Variants in TFDP2 observed in about 807,000 individuals in gnomAD.
TFDP2 encodes transcription factor Dp-2.
Under a neutral mutation model 59.3 loss-of-function variants are expected in TFDP2, and 17 were observed. The ratio of observed to expected loss-of-function variants is 0.29; its 90% confidence interval spans 0.20 to 0.43. The LOEUF is 0.43. TFDP2 is among the 20% of genes least tolerant of loss of function. The pLI is 1.00. For synonymous variants in TFDP2, 180 were observed against 194.7 expected (o/e 0.92, Z 0.63); for missense variants, 391 against 528.8 (o/e 0.74, Z 2.56).
intron 2 of TFDP2, among the ~76,000 whole-genome samples, chr3:142,094,461 C>T (rs768944182): frequency 3.9e-5 from 6 of 152,032 alleles, no homozygotes; most frequent in Non-Finnish European, 8.8e-5. Flanking sequence ...CCTGCCACCA[C>T]GCCCAGCTAA....
intron 9 of TFDP2, among the ~76,000 whole-genome samples, chr3:141,964,439 T>C (rs11569259): frequency 0.075 from 11,349 of 152,182 alleles, 526 homozygotes; most frequent in Non-Finnish European, 0.11. Context: ...ATTGCTTGAG[T>C]CCAGGAGTTT....
intron 7 of TFDP2, among the ~76,000 whole-genome samples, chr3:141,974,653 T>C (rs1940324638): frequency 6.6e-6 from 1 of 152,102 alleles, no homozygotes; most frequent in African/African-American, 2.4e-5. Context: ...ATAGTATACA[T>C]ATTAACAGAA....
chr3:142,054,597 A>G (rs2059676505), intron 3 of TFDP2, among the ~76,000 whole-genome samples: 1 of 152,186 alleles, frequency 6.6e-6, no homozygotes, highest in Admixed American at 6.5e-5. Context: ...TTGTATATCA[A>G]TGCACAGGTT....
At chr3:142,018,836 T>C (rs1945347056) in intron 3 of TFDP2, among the ~76,000 whole-genome samples, 1 of 152,148 alleles carries the variant, frequency 6.6e-6, no homozygotes, top group Non-Finnish European at 1.5e-5. Context: ...TAATATATTG[T>C]TATGAGTATG....
At chr3:141,986,863 C>A (rs140938747) in intron 6 of TFDP2, among the ~76,000 whole-genome samples, 23 of 152,218 alleles carry the variant, frequency 1.5e-4, no homozygotes, top group Non-Finnish European at 2.6e-4. Context: ...TGGTATTGCA[C>A]TGTGGTTTTC....
intron 3 of TFDP2, among the ~76,000 whole-genome samples, chr3:142,051,593 C>A (rs1271862443): frequency 2.0e-5 from 3 of 151,514 alleles, no homozygotes; most frequent in African/African-American, 4.9e-5. Context: ...CATTGAGAAC[C>A]ACTGAGCTAC....
At chr3:142,125,538 C>T (rs527795086) in intron 1 of TFDP2, among the ~76,000 whole-genome samples, 5 of 151,992 alleles carry the variant, frequency 3.3e-5, no homozygotes, top group Non-Finnish European at 7.4e-5. Flanking sequence ...ATACTCACTA[C>T]AGTGTCATTT....
At chr3:142,008,603 C>T (rs1368110069) in intron 3 of TFDP2, among the ~76,000 whole-genome samples, 1 of 152,120 alleles carries the variant, frequency 6.6e-6, no homozygotes, top group Non-Finnish European at 1.5e-5. Flanking sequence ...CTCCTACCTA[C>T]TAGCACTTCA....
At chr3:142,118,561 GAAAC>G (rs1266610122) in intron 1 of TFDP2, among the ~76,000 whole-genome samples, 1 of 151,924 alleles carries the variant, frequency 6.6e-6, no homozygotes, top group Admixed American at 6.6e-5. Flanking sequence ...GAAATAGAAA[GAAAC>G]AAACAAAAGG....
Position 142,023,969 on chromosome 3 carries a change from T to G in TFDP2, c.83-18425A>C, listed in dbSNP as rs192761009. On this transcript the variant is annotated intron_variant, in intron 3 of 12. Coordinates refer to ENST00000489671, the MANE Select transcript of TFDP2 (RefSeq NM_001178139.2). ...GTGCGTGCCACCATGCCCAGTTAATTTTTGTATTTTTTGTAGAGACAGGAT... is the reference window on the plus strand; with the variant it reads ...GTGCGTGCCACCATGCCCAGTTAATGTTTGTATTTTTTGTAGAGACAGGAT... 7.2e-3 allele frequency among the ~76,000 whole-genome samples: 1,103 copies of G among 152,160 alleles called. 6 individuals are homozygous for G. Among genetic ancestry groups the G allele is most frequent in the Admixed American group, 0.015 (237 of 15,292 alleles).
intron 3 of TFDP2, among the ~76,000 whole-genome samples, chr3:142,047,931 G>A (rs113660187): frequency 0.057 from 8,631 of 151,674 alleles, 303 homozygotes; most frequent in Middle Eastern, 0.11. Flanking sequence ...TAGTAGAGAC[G>A]CGGTCTCACC....
Position 141,951,272 on chromosome 3 carries a change from A to G in TFDP2, c.*1241T>C, listed in dbSNP as rs957712306. 1 of 152,196 alleles carries G rather than the reference A, an allele frequency of 6.6e-6. No individual in the cohort carries two copies. The highest frequency in any genetic ancestry group is 6.5e-5 in the Admixed American group (1 of 15,280). The allele number at this position is 152,196 out of a possible 1,614,324, so 9.4% of individuals were successfully genotyped here. ...TGTCCCTACACTCTTTCATTCAGAG[A>G]AGGAGCAGCTGTGAATACACCACTG... On this transcript the variant is annotated 3_prime_UTR_variant, in exon 13 of 13. Transcript: ENST00000489671.
At chr3:142,130,389 C>T in intron 1 of TFDP2, among the ~76,000 whole-genome samples, 1 of 151,972 alleles carries the variant, frequency 6.6e-6, no homozygotes. Flanking sequence ...CCAGAGTAAT[C>T]TAATTCACAG....
intron 2 of TFDP2, among the ~76,000 whole-genome samples, chr3:142,094,525 G>A (rs1467195454): frequency 3.3e-5 from 5 of 151,652 alleles, no homozygotes; most frequent in African/African-American, 7.3e-5. Context: ...GGCTGGTCTC[G>A]AACTCCTGAC....
intron 3 of TFDP2, among the ~76,000 whole-genome samples, chr3:142,044,623 G>A (rs368817898): frequency 6.6e-6 from 1 of 152,138 alleles, no homozygotes; most frequent in East Asian, 1.9e-4. Context: ...TGCCCACCTC[G>A]GCTTCCCAAA....
chr3:142,091,581 T>A (rs753572133), intron 3 of TFDP2, among the ~76,000 whole-genome samples: 7 of 151,168 alleles, frequency 4.6e-5, no homozygotes, highest in African/African-American at 9.8e-5. Flanking sequence ...AAAAAATAAA[T>A]AAAATAAGCT....
At chr3:142,013,803 T>A (rs7637962) in intron 3 of TFDP2, among the ~76,000 whole-genome samples, 1,998 of 151,646 alleles carry the variant, frequency 0.013, 45 homozygotes, top group African/African-American at 0.046. Flanking sequence ...TTTAGGGGGT[T>A]CCAGTTACAA....
At chr3:142,014,543 A>G (rs1226969297) in intron 3 of TFDP2, among the ~76,000 whole-genome samples, 2 of 152,086 alleles carry the variant, frequency 1.3e-5, no homozygotes, top group African/African-American at 4.8e-5. Context: ...TGTAAACTAT[A>G]CCTTAATAAA....
intron 1 of TFDP2, among the ~76,000 whole-genome samples, chr3:142,119,929 A>T (rs1446027977): frequency 1.3e-5 from 2 of 152,072 alleles, no homozygotes; most frequent in Non-Finnish European, 2.9e-5. Flanking sequence ...GCGCGCCTGT[A>T]GTCCCAGCTA....
Sources: gnomAD v4.1 joint callset for allele counts (sites outside exome capture counted in the v4.1 genomes callset) on GRCh38, gnomAD v4.1.1 for gene constraint, MANE v1.5 for transcripts, NCBI Gene and HGNC (gene_info 2026-07-23, HGNC 2026-07-21) for gene names.